The following AGPAT3 variants were observed in gnomAD, a reference collection of about 807,000 sequenced individuals.
AGPAT3 encodes 1-acylglycerol-3-phosphate O-acyltransferase 3.
Under a neutral mutation model 47.3 loss-of-function variants are expected in AGPAT3, and 5 were observed. That is an observed-to-expected ratio of 0.11 (90% CI 0.06 to 0.22). The LOEUF is 0.22. Ranked by LOEUF, AGPAT3 falls within the 10% of genes least tolerant of loss-of-function variation. AGPAT3 has a pLI of 1.00. For synonymous variants in AGPAT3, 212 were observed against 208.3 expected, an observed-to-expected ratio of 1.02 and a Z score of -0.15; for missense variants, 315 against 493.0, an observed-to-expected ratio of 0.64 and a Z score of 3.42.
At position 43,970,583 on chromosome 21, in the gene AGPAT3, C is replaced by T; in HGVS notation, c.511-70C>T. ...CAACCTTTGCTGCCTGTCAGAGAGGCAGGCCTGGCCTGGACATGCACCCAC... is the reference window on the plus strand; with the variant it reads ...CAACCTTTGCTGCCTGTCAGAGAGGTAGGCCTGGCCTGGACATGCACCCAC... On this transcript the variant is annotated intron_variant, in intron 5 of 9. Transcript: ENST00000291572. This position sits in a 1 kb window ranked among gnomAD's most constrained non-coding sequence, Gnocchi z 5.8. 2 of 1,529,926 alleles carry T rather than the reference C, an allele frequency of 1.3e-6. No individual in the cohort carries two copies. Among genetic ancestry groups the T allele is most frequent in the Non-Finnish European group, 1.8e-6 (2 of 1,123,654 alleles). The allele number at this position is 1,529,926 out of a possible 1,614,324, so 94.8% of individuals were successfully genotyped here.
At chr21:43,885,650 C>T (rs1327461752) in intron 1 of AGPAT3, among the ~76,000 whole-genome samples, 3 of 152,210 alleles carry the variant, frequency 2.0e-5, no homozygotes, top group South Asian at 2.1e-4. Context: ...TCCCAAAGTA[C>T]AGAGATTACA....
chr21:43,954,912 C>A lies in AGPAT3; in HGVS notation c.-48-4722C>A. Reference sequence around the variant, plus strand: ...GCTCTCCGGGGAGTCTCTGCGTAGACTTTCTAGCCCAGAGGTTCAGGTGAT... The same window carrying A: ...GCTCTCCGGGGAGTCTCTGCGTAGAATTTCTAGCCCAGAGGTTCAGGTGAT... On this transcript the variant is annotated intron_variant, in intron 2 of 9. Transcript: ENST00000291572. The surrounding 1 kb of genome is among the most constrained non-coding windows in gnomAD (Gnocchi z 4.0). The A allele has an allele frequency of 1.4e-6, 1 of 714,296 alleles. No individual in the cohort carries two copies. Among genetic ancestry groups the A allele is most frequent in the Non-Finnish European group, 1.8e-6 (1 of 544,346 alleles). The allele number at this position is 714,296 out of a possible 1,614,324, so 44.2% of individuals were successfully genotyped here. A position where few individuals can be genotyped will look rare whatever the true frequency, so the allele number is the denominator to read the frequency against.
At chr21:43,974,132 A>G (rs1407427396) in intron 7 of AGPAT3, among the ~76,000 whole-genome samples, 14 of 151,302 alleles carry the variant, frequency 9.3e-5, no homozygotes, top group Non-Finnish European at 1.5e-5. Context: ...TGATGTGTGC[A>G]TGTGTGGTGT....
At chr21:43,905,804 C>T (rs1415237379) in intron 2 of AGPAT3, among the ~76,000 whole-genome samples, 1 of 152,230 alleles carries the variant, frequency 6.6e-6, no homozygotes, top group African/African-American at 2.4e-5. Flanking sequence ...TATTGTTGGA[C>T]TGTACTCAGG....
At chr21:43,971,789 G>A (rs1003410105) in intron 7 of AGPAT3, among the ~76,000 whole-genome samples, 3 of 152,234 alleles carry the variant, frequency 2.0e-5, no homozygotes, top group Non-Finnish European at 4.4e-5. Context: ...TCATTGACCT[G>A]GCTTTCGAGG....
At chr21:43,936,834 A>G (rs1349700251) in intron 2 of AGPAT3, among the ~76,000 whole-genome samples, 5 of 152,240 alleles carry the variant, frequency 3.3e-5, no homozygotes, top group Non-Finnish European at 7.3e-5. Context: ...TGCCTCAGCG[A>G]AAAGGGCTTC....
At chr21:43,889,673 C>T (rs371729581) in intron 1 of AGPAT3, among the ~76,000 whole-genome samples, 4 of 152,272 alleles carry the variant, frequency 2.6e-5, no homozygotes, top group Admixed American at 2.0e-4. Flanking sequence ...CCACCCTGAA[C>T]GTGCCTGATC....
intron 2 of AGPAT3, among the ~76,000 whole-genome samples, chr21:43,931,650 C>T (rs565479776): frequency 3.3e-5 from 5 of 151,898 alleles, no homozygotes; most frequent in South Asian, 2.1e-4. Context: ...AGAACTGCCG[C>T]GTGCTTCAGC....
Position 43,982,227 on chromosome 21 carries a change from A to C in AGPAT3, c.1043-77A>C. On this transcript the variant is annotated intron_variant, in intron 9 of 9. Transcript: ENST00000291572. The surrounding 1 kb of genome is among the most constrained non-coding windows in gnomAD (Gnocchi z 6.2). ...GACAGGGTCTGGGGCAGAGGAAGGA[A>C]GCCCCAGTAACACGTTTTACAGCAA... 2 of 1,072,138 alleles carry C rather than the reference A, an allele frequency of 1.9e-6. No individual in the cohort carries two copies. The highest frequency in any genetic ancestry group is 2.8e-6 in the Non-Finnish European group (2 of 704,634). 66.4% of individuals were successfully genotyped at this position (1,072,138 alleles called of 1,614,324 possible).
At chr21:43,898,729 G>A (rs2086283242) in intron 1 of AGPAT3, among the ~76,000 whole-genome samples, 1 of 152,198 alleles carries the variant, frequency 6.6e-6, no homozygotes, top group African/African-American at 2.4e-5. Flanking sequence ...GTTTCTCCAT[G>A]TTGGCCAGGC....
chr21:43,870,132 C>T lies in AGPAT3; in HGVS notation c.-112+4787C>T, dbSNP rs544297641. Among the ~76,000 whole-genome samples the T allele has an allele frequency of 1.3e-4, 20 of 152,332 alleles. No homozygotes were observed. In the East Asian group the frequency reaches 3.7e-3, roughly 28 times the overall value. ...TTTTAGGAAGCGAACCACAGCCGTC[C>T]TCCTTGGACTCCCTGCCGTGGCTGG... is the stretch of plus-strand genomic sequence containing the variant. On this transcript the variant is annotated intron_variant, in intron 1 of 9. Coordinates refer to ENST00000291572, the MANE Select transcript of AGPAT3 (RefSeq NM_020132.5).
Position 43,955,319 on chromosome 21 carries a change from C to T in AGPAT3, c.-48-4315C>T. Reference sequence around the variant, plus strand: ...GGGAAGGACTTGGATGGAAATGTTCCCTGTTGCAGTGTGGTGGGGTCACAG... The same window carrying T: ...GGGAAGGACTTGGATGGAAATGTTCTCTGTTGCAGTGTGGTGGGGTCACAG... On this transcript the variant is annotated intron_variant, in intron 2 of 9. Coordinates refer to ENST00000291572, the MANE Select transcript of AGPAT3 (RefSeq NM_020132.5). This position sits in a 1 kb window ranked among gnomAD's most constrained non-coding sequence, Gnocchi z 4.1. 1 of 1,046,808 alleles carries T rather than the reference C, an allele frequency of 9.6e-7. No individual in the cohort carries two copies. Among genetic ancestry groups the T allele is most frequent in the Non-Finnish European group, 1.2e-6 (1 of 829,876 alleles). 64.8% of individuals were successfully genotyped at this position (1,046,808 alleles called of 1,614,324 possible).
intron 2 of AGPAT3, chr21:43,925,136 G>A (rs552477634): frequency 1.3e-5 from 2 of 152,378 alleles, no homozygotes; most frequent in East Asian, 3.9e-4. Flanking sequence ...ACCCTGGCAG[G>A]ACTCTCTCCC....
chr21:43,882,968 A>G (rs1601207952), intron 1 of AGPAT3, among the ~76,000 whole-genome samples: 1 of 152,242 alleles, frequency 6.6e-6, no homozygotes, highest in East Asian at 1.9e-4. Flanking sequence ...GTCAGCCCCA[A>G]CACCAGGCCC....
At chr21:43,959,923 C>G (rs1050966279) in intron 3 of AGPAT3, 64 bp downstream of exon 3, 1 of 1,504,248 alleles carries the variant, frequency 6.6e-7, no homozygotes, top group African/African-American at 1.4e-5. Context: ...CGCGACCATG[C>G]ACGGGGCAGC....
intron 2 of AGPAT3, among the ~76,000 whole-genome samples, chr21:43,921,807 C>T (rs1364853877): frequency 2.6e-5 from 4 of 151,486 alleles, no homozygotes; most frequent in Admixed American, 1.3e-4. Flanking sequence ...TTTTTTCCCC[C>T]AGGGATAAAG....
intron 7 of AGPAT3, among the ~76,000 whole-genome samples, chr21:43,972,821 T>C (rs2089453203): frequency 6.6e-6 from 1 of 152,246 alleles, no homozygotes. Context: ...GGATGGCCCT[T>C]GTTGAGCTTG....
intron 4 of AGPAT3, 128 bp from the exon 5 acceptor site, chr21:43,968,990 C>G: frequency 1.0e-6 from 1 of 973,104 alleles, no homozygotes; most frequent in Non-Finnish European, 1.5e-6. Flanking sequence ...CAGCAGACCC[C>G]CTGAGCCACA....
chr21:43,959,849 A>C lies in AGPAT3; in HGVS notation c.168A>C (p.Ser56=). The C allele has an allele frequency of 6.2e-7, 1 of 1,606,254 alleles. No homozygotes were observed. The highest frequency in any genetic ancestry group is 8.5e-7 in the Non-Finnish European group (1 of 1,178,794). The part of the protein sequence containing the change: ...YRRLNCRLAY[S]LWSQLVMLLE... ...GCCTCAACTGCCGCCTCGCCTACTC[A>C]CTCTGGAGCCGTGAGTGTCTGCTGG... is the stretch of plus-strand genomic sequence containing the variant. The change falls in exon 3 of 10, where the codon TCA becomes TCC. Residue 56 remains serine (S), a synonymous_variant. Coordinates refer to ENST00000291572, the MANE Select transcript of AGPAT3 (RefSeq NM_020132.5).
Sources: gnomAD v4.1 joint callset for allele counts (sites outside exome capture counted in the v4.1 genomes callset) on GRCh38, gnomAD v4.1.1 for gene constraint, Gnocchi (gnomAD v3.1) non-coding constraint, MANE v1.5 for transcripts, NCBI Gene and HGNC (gene_info 2026-07-23, HGNC 2026-07-21) for gene names.